Variants in PTPRF observed in about 807,000 individuals in gnomAD.
The protein encoded by PTPRF is protein tyrosine phosphatase receptor type F, also known as receptor-type tyrosine-protein phosphatase F.
A neutral mutation model predicts 201.8 loss-of-function variants in PTPRF; 59 were observed. That is an observed-to-expected ratio of 0.29 (90% CI 0.24 to 0.36). PTPRF has a LOEUF of 0.36. Ranked by LOEUF, PTPRF falls within the 10% of genes least tolerant of loss-of-function variation. The pLI, the probability that PTPRF is intolerant of heterozygous loss-of-function variation, is 1.00. For synonymous variants in PTPRF, 1,088 were observed against 1,089.7 expected, an observed-to-expected ratio of 1.00 and a Z score of 0.03; for missense variants, 2,132 against 2,690.5, an observed-to-expected ratio of 0.79 and a Z score of 4.59.
chr1:43,607,457 G>C (rs768705096), intron 21 of PTPRF, among the ~76,000 whole-genome samples: 1 of 152,148 alleles, frequency 6.6e-6, no homozygotes, highest in Non-Finnish European at 1.5e-5. Flanking sequence ...TGCTGTGCCC[G>C]TGCCATCCGC....
At chr1:43,598,361 C>G (rs1652900477) in intron 12 of PTPRF, 1 of 459,244 alleles carries the variant, frequency 2.2e-6, no homozygotes, top group Non-Finnish European at 3.8e-6. Context: ...ATCAGCAAGA[C>G]TCCACGTTGG....
At chr1:43,578,271 GA>G (rs1453813691) in intron 6 of PTPRF, among the ~76,000 whole-genome samples, 1 of 152,220 alleles carries the variant, frequency 6.6e-6, no homozygotes. Context: ...AGGAGGGGAA[GA>G]TGGTGCTGGG....
At chr1:43,570,026 T>C (rs1372079561) in intron 6 of PTPRF, among the ~76,000 whole-genome samples, 1 of 152,142 alleles carries the variant, frequency 6.6e-6, no homozygotes, top group Non-Finnish European at 1.5e-5. Context: ...TCCCAGCACA[T>C]GTGATGTGCC....
At chr1:43,531,254 C>T (rs1557648551) in intron 1 of PTPRF, among the ~76,000 whole-genome samples, 164 bp downstream of exon 1, 2 of 150,044 alleles carry the variant, frequency 1.3e-5, no homozygotes, top group Non-Finnish European at 3.0e-5. Flanking sequence ...CCCGCAGCCT[C>T]GGCGAAGCCC....
In PTPRF at chr1:43,591,088, G is replaced by A. The variant is rs79621077; in HGVS notation, c.1066G>A (p.Ala356Thr). The A allele has an allele frequency of 1.6e-5, 26 of 1,613,918 alleles. No individual in the cohort carries two copies. Among genetic ancestry groups the A allele is most frequent in the Non-Finnish European group, 1.9e-5 (22 of 1,180,040 alleles). Residue 356 changes from alanine (A) to threonine (T), a missense_variant, in exon 9 of 34, where the codon GCA becomes ACA. Around this residue, in one of 6 missense-constraint regions of PTPRF, gnomAD observed 351 missense variants for 401.7 expected, o/e 0.87. Coordinates refer to ENST00000359947, the MANE Select transcript of PTPRF (RefSeq NM_002840.5). ...AACCTACTATGGCATCCAGTACCGC[G>A]CAGCGGGCACGGAGGGCCCCTTTCA... is the stretch of plus-strand genomic sequence containing the variant. ...PVTYYGIQYR[A>T]AGTEGPFQEV...
intron 6 of PTPRF, among the ~76,000 whole-genome samples, chr1:43,577,972 C>G (rs531049064): frequency 1.3e-5 from 2 of 152,290 alleles, no homozygotes; most frequent in Admixed American, 1.3e-4. Context: ...GATCCACCCC[C>G]ACCTTGCCGC....
In PTPRF at chr1:43,553,113, C is replaced by T. The variant is rs1052676089; in HGVS notation, c.92-379C>T. ...AGCTCTTCCCAGCAGCTCTCCAGCA[C>T]GCCTTTTTCCTGGAGCTTGGAATTG... On this transcript the variant is annotated intron_variant, in intron 3 of 33. Coordinates refer to ENST00000359947, the MANE Select transcript of PTPRF (RefSeq NM_002840.5). The surrounding 1 kb of genome is among the most constrained non-coding windows in gnomAD (Gnocchi z 4.1). 2.0e-5 allele frequency among the ~76,000 whole-genome samples: 3 copies of T among 152,066 alleles called. No homozygotes were observed. Among genetic ancestry groups the T allele is most frequent in the South Asian group, 4.1e-4 (2 of 4,824 alleles).
At chr1:43,619,925 G>A in intron 29 of PTPRF, 67 bp downstream of exon 29, 2 of 1,581,594 alleles carry the variant, frequency 1.3e-6, no homozygotes, top group Admixed American at 3.5e-5. Context: ...GCTGGTGGGG[G>A]TGGGCAGCAG....
At chr1:43,577,838 C>G (rs573596542) in intron 6 of PTPRF, among the ~76,000 whole-genome samples, 1 of 152,242 alleles carries the variant, frequency 6.6e-6, no homozygotes, top group East Asian at 1.9e-4. Context: ...TTGGATTGTT[C>G]CAGGGAGGGG....
chr1:43,588,952 A>G lies in PTPRF; in HGVS notation c.901A>G (p.Ile301Val). The G allele has an allele frequency of 1.3e-6, 2 of 1,586,658 alleles. No individual in the cohort carries two copies. The highest frequency in any genetic ancestry group is 8.6e-7 in the Non-Finnish European group (1 of 1,161,672). Residue 301 changes from isoleucine (I) to valine (V), a missense_variant, in exon 8 of 34, where the codon ATC becomes GTC. Ile to Val is a conservative substitution (Grantham distance 29). This residue lies in a region of PTPRF where 297 missense variants were observed against 454.0 expected (regional missense o/e 0.65). Transcript: ENST00000359947. This position sits in a 1 kb window ranked among gnomAD's most constrained non-coding sequence, Gnocchi z 5.3. ...VRSANYTCVA[I>V]SSLGMIEATA... ...CTCTGCCAACTACACCTGTGTGGCC[A>G]TCTCCTCGCTGGGCATGATCGAGGC...
rs1365828057 is a variant in PTPRF at position 43,605,341 on chromosome 1, C to T, written c.3287C>T (p.Ala1096Val). ...CAGCACCTGGTGTCCATCCGCACAG[C>T]CCCCGACCTCCTGCCTCACAAGCCG... Reference protein sequence around the residue: ...GLQHLVSIRTAPDLLPHKPLP... With the variant: ...GLQHLVSIRTVPDLLPHKPLP... Residue 1096 changes from alanine (A) to valine (V), a missense_variant, in exon 18 of 34, where the codon GCC (alanine) becomes GTC (valine). Ala to Val is a moderately conservative substitution (Grantham distance 64). This residue lies in a region of PTPRF where 818 missense variants were observed against 915.3 expected (regional missense o/e 0.89). Transcript: ENST00000359947. The T allele has an allele frequency of 6.2e-7, 1 of 1,613,854 alleles. No homozygotes were observed. Among genetic ancestry groups the T allele is most frequent in the East Asian group, 2.2e-5 (1 of 44,878 alleles).
chr1:43,594,608 G>T (rs1651787659), intron 11 of PTPRF, among the ~76,000 whole-genome samples: 1 of 152,140 alleles, frequency 6.6e-6, no homozygotes, highest in Admixed American at 6.5e-5. Flanking sequence ...GGTGATGGCG[G>T]TGGATCTGAG....
At chr1:43,607,335 C>A (rs1414006731) in intron 21 of PTPRF, among the ~76,000 whole-genome samples, 1 of 152,250 alleles carries the variant, frequency 6.6e-6, no homozygotes, top group African/African-American at 2.4e-5. Flanking sequence ...TCCTTTCCTT[C>A]TGCCACCATT....
At chr1:43,610,922 C>T (rs1387812763) in intron 22 of PTPRF, among the ~76,000 whole-genome samples, 1 of 152,230 alleles carries the variant, frequency 6.6e-6, no homozygotes, top group East Asian at 1.9e-4. Context: ...TATTTATATG[C>T]TACCTACCTA....
chr1:43,602,106 C>G lies in PTPRF; in HGVS notation c.2340+9C>G. 1 of 1,612,698 alleles carries G rather than the reference C, an allele frequency of 6.2e-7. No individual in the cohort carries two copies. Among genetic ancestry groups the G allele is most frequent in the Non-Finnish European group, 8.5e-7 (1 of 1,178,676 alleles). On this transcript the variant is annotated intron_variant, in intron 14 of 33. Coordinates refer to ENST00000359947, the MANE Select transcript of PTPRF (RefSeq NM_002840.5). ...AGGAGTCCGAGGACTATGTAAGTAACAGGTGTGCGAACGCGGACAAGACAT... is the reference window on the plus strand; with the variant it reads ...AGGAGTCCGAGGACTATGTAAGTAAGAGGTGTGCGAACGCGGACAAGACAT...
chr1:43,544,546 C>T (rs1338248886), intron 2 of PTPRF, among the ~76,000 whole-genome samples: 1 of 152,218 alleles, frequency 6.6e-6, no homozygotes, highest in Admixed American at 6.5e-5. Flanking sequence ...GGAGGGGCAA[C>T]AGAATTCTAC....
intron 10 of PTPRF, among the ~76,000 whole-genome samples, chr1:43,592,202 A>G (rs929906107): frequency 2.5e-4 from 38 of 151,940 alleles, no homozygotes; most frequent in African/African-American, 8.5e-4. Context: ...TGTGGCTCAT[A>G]TGACTGGCAG....
At chr1:43,583,938 G>T (rs1440695219) in intron 7 of PTPRF, among the ~76,000 whole-genome samples, 2 of 152,192 alleles carry the variant, frequency 1.3e-5, no homozygotes, top group Non-Finnish European at 2.9e-5. Context: ...GACTCAAGTT[G>T]CTTCTACCTG....
chr1:43,618,874 G>T, intron 26 of PTPRF, 125 bp downstream of exon 26: 1 of 1,462,226 alleles, frequency 6.8e-7, no homozygotes, highest in East Asian at 2.3e-5. Context: ...TCAGGTGTGT[G>T]AGTGATGTGA....
Sources: gnomAD v4.1 joint callset for allele counts (sites outside exome capture counted in the v4.1 genomes callset) on GRCh38, gnomAD v4.1.1 for gene constraint, gnomAD v4.1.1 regional missense constraint, Gnocchi (gnomAD v3.1) non-coding constraint, MANE v1.5 for transcripts, NCBI Gene and HGNC (gene_info 2026-07-23, HGNC 2026-07-21) for gene names.